The following EXOC4 variants were observed in gnomAD, a reference collection of about 807,000 sequenced individuals.
EXOC4 encodes exocyst complex component 4.
Under a neutral mutation model 107.2 loss-of-function variants are expected in EXOC4, and 71 were observed. The observed-to-expected ratio is 0.66, with a 90% CI of 0.55 to 0.81. The LOEUF is 0.81. Among genes scored for constraint, EXOC4 ranks in the 30% least tolerant of loss-of-function variants. The pLI is 0.00. For synonymous variants in EXOC4, 456 were observed against 441.2 expected (o/e 1.03, Z -0.42); for missense variants, 1,108 against 1,189.6 (o/e 0.93, Z 1.01).
chr7:133,259,770 ATG>A (rs1276431636), intron 1 of EXOC4, among the ~76,000 whole-genome samples: 1 of 152,160 alleles, frequency 6.6e-6, no homozygotes, highest in Admixed American at 6.5e-5. Context: ...ATGTGAATGT[ATG>A]TGTGTATATG....
At chr7:133,874,249 G>C (rs1798805461) in intron 11 of EXOC4, among the ~76,000 whole-genome samples, 1 of 152,182 alleles carries the variant, frequency 6.6e-6, no homozygotes, top group Admixed American at 6.5e-5. Flanking sequence ...CTGTTGGCTA[G>C]CTATTTGATT....
chr7:133,317,561 T>C (rs1316898060), intron 5 of EXOC4, among the ~76,000 whole-genome samples, 171 bp downstream of exon 5: 1 of 152,140 alleles, frequency 6.6e-6, no homozygotes, highest in Non-Finnish European at 1.5e-5. Flanking sequence ...GCAAATAAGA[T>C]GTACAGTGAT....
At chr7:133,823,894 T>TATAAA (rs1563015082) in intron 11 of EXOC4, among the ~76,000 whole-genome samples, 1 of 17,680 alleles carries the variant, frequency 5.7e-5, no homozygotes, top group African/African-American at 7.0e-4. Context: ...ATATATATAT[T>TATAAA]TTATATATAT....
chr7:133,313,618 ATATGT>A (rs558477925), intron 4 of EXOC4, among the ~76,000 whole-genome samples: 1 of 152,222 alleles, frequency 6.6e-6, no homozygotes, highest in Non-Finnish European at 1.5e-5. Context: ...AGGAACAGAA[ATATGT>A]TATAATTAAA....
chr7:133,740,741 C>G (rs1040144501), intron 10 of EXOC4, among the ~76,000 whole-genome samples: 2 of 152,146 alleles, frequency 1.3e-5, no homozygotes, highest in Non-Finnish European at 2.9e-5. Context: ...ATAATTGCAT[C>G]TACTTGTATA....
chr7:134,083,949 C>T, the EXOC4 span, among the ~76,000 whole-genome samples: 4 of 152,186 alleles, frequency 2.6e-5, no homozygotes, highest in Non-Finnish European at 5.9e-5. Flanking sequence ...GCCAATTTTT[C>T]TCTAGAAGTG....
intron 5 of EXOC4, among the ~76,000 whole-genome samples, chr7:133,344,952 T>C (rs1053678381): frequency 2.0e-5 from 3 of 152,196 alleles, no homozygotes; most frequent in Non-Finnish European, 4.4e-5. Flanking sequence ...ACAGTTGTTT[T>C]GGATTTTGGT....
chr7:133,822,376 C>G (rs971857794), intron 11 of EXOC4, among the ~76,000 whole-genome samples: 1 of 152,086 alleles, frequency 6.6e-6, no homozygotes, highest in Admixed American at 6.5e-5. Context: ...TTTGGTGTCT[C>G]CATCTGAAAA....
chr7:133,565,000 C>T (rs543199497), intron 9 of EXOC4, among the ~76,000 whole-genome samples: 1 of 152,060 alleles, frequency 6.6e-6, no homozygotes, highest in Non-Finnish European at 1.5e-5. Flanking sequence ...AGTGGAATTG[C>T]GATAGAAATC....
At chr7:133,471,133 C>T (rs185919692) in intron 7 of EXOC4, among the ~76,000 whole-genome samples, 234 of 152,142 alleles carry the variant, frequency 1.5e-3, no homozygotes, top group African/African-American at 4.9e-3. Context: ...AAATTCTGGC[C>T]GGGTGTGCTG....
chr7:133,487,711 AAAAC>A lies in EXOC4; in HGVS notation c.1417+7589_1417+7592del, dbSNP rs377305335. 1.5e-3 allele frequency among the ~76,000 whole-genome samples: 225 copies of A among 152,288 alleles called. 1 individual carries two copies. The highest frequency in any genetic ancestry group is 5.1e-3 in the African/African-American group (211 of 41,572). ...GCGACAGAGTGAGACTCCATCTCAA[AAAAC>A]AAACAAACAAACAAAAAAAACGAAA... is the stretch of plus-strand genomic sequence containing the variant. On this transcript the variant is annotated intron_variant, in intron 9 of 17. Coordinates refer to ENST00000253861, the MANE Select transcript of EXOC4 (RefSeq NM_021807.4).
chr7:133,362,721 T>C (rs1022543249), intron 6 of EXOC4, among the ~76,000 whole-genome samples: 5 of 152,186 alleles, frequency 3.3e-5, no homozygotes, highest in African/African-American at 2.4e-5. Flanking sequence ...ATGAATACAA[T>C]GTTTATGGAA....
chr7:133,302,904 A>G (rs1039783685), intron 3 of EXOC4, among the ~76,000 whole-genome samples: 6 of 152,216 alleles, frequency 3.9e-5, no homozygotes, highest in African/African-American at 1.4e-4. Flanking sequence ...AATTTATACA[A>G]TGACCACTTC....
intron 1 of EXOC4, among the ~76,000 whole-genome samples, chr7:133,260,741 A>G (rs939006685): frequency 2.6e-5 from 4 of 152,100 alleles, no homozygotes; most frequent in Non-Finnish European, 5.9e-5. Context: ...CTTCTGATCC[A>G]TGGATGGATG....
intron 10 of EXOC4, among the ~76,000 whole-genome samples, chr7:133,741,766 A>G (rs1268929265): frequency 1.3e-5 from 2 of 152,114 alleles, no homozygotes; most frequent in African/African-American, 4.8e-5. Flanking sequence ...CATGTTTGAA[A>G]CCCATATTAT....
At chr7:133,256,428 T>C (rs1234297395) in intron 1 of EXOC4, among the ~76,000 whole-genome samples, 3 of 152,250 alleles carry the variant, frequency 2.0e-5, no homozygotes, top group African/African-American at 7.2e-5. Context: ...GTTAGGCTCG[T>C]GTTTATAAGG....
intron 2 of EXOC4, among the ~76,000 whole-genome samples, chr7:133,285,582 T>C (rs1794256340): frequency 6.6e-6 from 1 of 152,154 alleles, no homozygotes; most frequent in Admixed American, 6.5e-5. Flanking sequence ...TTTTTCCTTT[T>C]TTTCTTTGAC....
intron 9 of EXOC4, among the ~76,000 whole-genome samples, chr7:133,528,916 C>G (rs1800129687): frequency 6.6e-6 from 1 of 152,132 alleles, no homozygotes; most frequent in Non-Finnish European, 1.5e-5. Flanking sequence ...ACCTCTGGCT[C>G]TAGGGACCCT....
chr7:133,921,327 G>C (rs1045696145), intron 13 of EXOC4, among the ~76,000 whole-genome samples: 4 of 152,170 alleles, frequency 2.6e-5, no homozygotes, highest in African/African-American at 9.7e-5. Flanking sequence ...TGGTGAGGGA[G>C]GATCTTCTTT....
Sources: allele counts gnomAD v4.1 joint callset (sites outside exome capture counted in the v4.1 genomes callset), GRCh38; gene constraint gnomAD v4.1.1; transcripts MANE v1.5; gene names NCBI Gene and HGNC (gene_info 2026-07-23, HGNC 2026-07-21).